Variants in TSHZ3 observed in about 807,000 individuals in gnomAD.
TSHZ3 encodes the protein teashirt homolog 3.
TSHZ3 carries 10 observed loss-of-function variants against 64.5 expected under a neutral mutation model. The ratio of observed to expected loss-of-function variants is 0.16; its 90% CI spans 0.10 to 0.26. The LOEUF (loss-of-function observed/expected upper bound fraction) is 0.26. Among genes scored for constraint, TSHZ3 ranks in the 10% least tolerant of loss-of-function variants. TSHZ3 has a pLI of 1.00. For missense variants in TSHZ3, 1,242 were observed against 1,421.7 expected (o/e 0.87, Z 2.03); for synonymous variants, 608 against 593.1 (o/e 1.03, Z -0.36).
chr19:31,264,677 G>C (rs1023681222), intron 1 of TSHZ3, among the ~76,000 whole-genome samples: 1 of 151,534 alleles, frequency 6.6e-6, no homozygotes, highest in Non-Finnish European at 1.5e-5. Flanking sequence ...AATCTTCAAA[G>C]TTTGGCAATG....
intron 4 of TSHZ3, among the ~76,000 whole-genome samples, chr19:31,212,861 T>C (rs1226997001): frequency 1.3e-5 from 2 of 152,086 alleles, no homozygotes; most frequent in Non-Finnish European, 2.9e-5. Flanking sequence ...CTGCCTTCAG[T>C]AGGCAAATGG....
upstream of TSHZ3, among the ~76,000 whole-genome samples, chr19:31,350,700 G>A (rs1203980236): frequency 6.6e-5 from 10 of 151,056 alleles, no homozygotes; most frequent in Non-Finnish European, 1.0e-4. Flanking sequence ...TGGGCGGCGG[G>A]GCGACGCGGG....
intron 1 of TSHZ3, among the ~76,000 whole-genome samples, chr19:31,298,915 C>G (rs1976707782): frequency 6.6e-6 from 1 of 152,232 alleles, no homozygotes; most frequent in African/African-American, 2.4e-5. Context: ...TGACACACAG[C>G]TGGGCACGGT....
intron 1 of TSHZ3, among the ~76,000 whole-genome samples, chr19:31,267,636 A>T (rs1976071734): frequency 7.0e-6 from 1 of 141,850 alleles, no homozygotes; most frequent in African/African-American, 2.9e-5. Context: ...TCCATTTAGG[A>T]GAATAAGCCC....
chr19:31,344,655 A>G (rs1917531986), intron 1 of TSHZ3, among the ~76,000 whole-genome samples: 2 of 152,204 alleles, frequency 1.3e-5, no homozygotes, highest in South Asian at 4.1e-4. Context: ...CGTGTAAAAG[A>G]GAAAGCACCA....
chr19:31,279,001 T>C lies in TSHZ3; in HGVS notation c.792A>G (p.Glu264=). The C allele has an allele frequency of 6.2e-7, 1 of 1,613,944 alleles. No homozygotes were observed. The highest frequency in any genetic ancestry group is 1.1e-5 in the South Asian group (1 of 91,072). The change falls in exon 2 of 2, where the codon GAA becomes GAG. Residue 264 remains glutamate, a synonymous_variant. Coordinates refer to ENST00000240587, the MANE Select transcript of TSHZ3 (RefSeq NM_020856.4). The surrounding 1 kb of genome is among the most constrained non-coding windows in gnomAD (Gnocchi z 6.4). ...WSKPRKRSLL[E]MEGKEDAQKV... Reference sequence around the variant, plus strand: ...TCTGGGCGTCTTCCTTCCCTTCCATTTCCAGCAAGGAGCGTTTGCGAGGCT... The same window carrying C: ...TCTGGGCGTCTTCCTTCCCTTCCATCTCCAGCAAGGAGCGTTTGCGAGGCT...
intron 1 of TSHZ3, among the ~76,000 whole-genome samples, chr19:31,300,194 T>C (rs1403976907): frequency 6.6e-6 from 1 of 152,156 alleles, no homozygotes; most frequent in East Asian, 1.9e-4. Flanking sequence ...TGTGGGCTTT[T>C]CAGAGCTACA....
chr19:31,256,105 C>T (rs560234844), intron 1 of TSHZ3, among the ~76,000 whole-genome samples: 10 of 152,198 alleles, frequency 6.6e-5, no homozygotes, highest in Non-Finnish European at 1.3e-4. Flanking sequence ...TTCACCCTCC[C>T]CGAGGCTCAC....
intron 1 of TSHZ3, among the ~76,000 whole-genome samples, chr19:31,348,224 G>A (rs762147918): frequency 2.0e-5 from 3 of 152,164 alleles, no homozygotes; most frequent in Non-Finnish European, 2.9e-5. Context: ...GTGATTTATT[G>A]ATGTTTATTG....
At chr19:31,221,020 A>G (rs1975389424) in intron 4 of TSHZ3, among the ~76,000 whole-genome samples, 3 of 152,220 alleles carry the variant, frequency 2.0e-5, no homozygotes, top group African/African-American at 7.2e-5. Flanking sequence ...GTTTATTATC[A>G]CCAGCAGTAA....
intron 1 of TSHZ3, among the ~76,000 whole-genome samples, chr19:31,295,157 T>A (rs1019372789): frequency 1.3e-5 from 2 of 152,178 alleles, no homozygotes; most frequent in Non-Finnish European, 2.9e-5. Context: ...ACAAGGACGA[T>A]AAGACAGAGA....
chr19:31,321,184 G>C (rs554780818), intron 1 of TSHZ3, among the ~76,000 whole-genome samples: 1 of 152,182 alleles, frequency 6.6e-6, no homozygotes, highest in South Asian at 2.1e-4. Context: ...GGCCTGGCCA[G>C]CTCCTTAATG....
At chr19:31,341,063 G>A (rs1290689106) in intron 1 of TSHZ3, among the ~76,000 whole-genome samples, 1 of 152,164 alleles carries the variant, frequency 6.6e-6, no homozygotes, top group African/African-American at 2.4e-5. Flanking sequence ...AATATAGATG[G>A]GGGAAGGCAC....
chr19:31,239,903 T>C (rs889039192), intron 3 of TSHZ3, among the ~76,000 whole-genome samples: 1 of 152,246 alleles, frequency 6.6e-6, no homozygotes. Context: ...TTGTTTGATA[T>C]GAAAAGTCAA....
chr19:31,320,391 G>T (rs368844396), intron 1 of TSHZ3, among the ~76,000 whole-genome samples: 4 of 152,082 alleles, frequency 2.6e-5, no homozygotes, highest in Non-Finnish European at 4.4e-5. Context: ...CGTGGCTGCC[G>T]TTCCTTCATT....
chr19:31,165,751 G>T (rs981636765), intron 5 of TSHZ3, among the ~76,000 whole-genome samples: 1 of 152,188 alleles, frequency 6.6e-6, no homozygotes, highest in African/African-American at 2.4e-5. Context: ...TATGCAGGGT[G>T]TAACTCCCCG....
chr19:31,237,152 AAAAC>A (rs1377064110), intron 3 of TSHZ3, among the ~76,000 whole-genome samples: 3 of 152,192 alleles, frequency 2.0e-5, no homozygotes, highest in Non-Finnish European at 4.4e-5. Flanking sequence ...CGTCTAAGAA[AAAAC>A]AAACAAACAA....
intron 5 of TSHZ3, among the ~76,000 whole-genome samples, chr19:31,169,142 G>A (rs1002413846): frequency 6.6e-6 from 1 of 151,714 alleles, no homozygotes; most frequent in Admixed American, 6.6e-5. Flanking sequence ...GAGAGAGAGA[G>A]ACTAGTTGTT....
At chr19:31,181,540 C>T (rs948065217) in intron 5 of TSHZ3, among the ~76,000 whole-genome samples, 5 of 151,998 alleles carry the variant, frequency 3.3e-5, no homozygotes, top group Non-Finnish European at 5.9e-5. Context: ...GGAGGGAGAA[C>T]GGAGACAGTG....
Sources: gnomAD v4.1 joint callset for allele counts (sites outside exome capture counted in the v4.1 genomes callset) on GRCh38, gnomAD v4.1.1 for gene constraint, Gnocchi (gnomAD v3.1) non-coding constraint, MANE v1.5 for transcripts, NCBI Gene and HGNC (gene_info 2026-07-23, HGNC 2026-07-21) for gene names.